UNC5D: variants seen among roughly 807,000 people sequenced by gnomAD.
UNC5D encodes unc-5 netrin receptor D, also known as netrin receptor UNC5D.
Under a neutral mutation model 105.4 loss-of-function variants are expected in UNC5D, and 39 were observed. That is an observed-to-expected ratio of 0.37 (90% CI 0.29 to 0.48). The LOEUF is 0.48. Ranked by LOEUF, UNC5D falls within the 20% of genes least tolerant of loss-of-function variation. UNC5D has a pLI of 0.98. For missense variants in UNC5D, 991 were observed against 1,202.4 expected (o/e 0.82, Z 2.60); for synonymous variants, 452 against 450.4 (o/e 1.00, Z -0.04).
intron 1 of UNC5D, among the ~76,000 whole-genome samples, chr8:35,350,138 A>G (rs1812110567): frequency 2.0e-5 from 3 of 152,052 alleles, no homozygotes; most frequent in Admixed American, 2.0e-4. Context: ...TGTTTTGAGA[A>G]TAATTGCCTT....
chr8:35,677,877 GGTGTGTGAGTGTCTGTGT>G (rs1181367275), intron 4 of UNC5D, among the ~76,000 whole-genome samples: 1 of 136,060 alleles, frequency 7.3e-6, no homozygotes, highest in Non-Finnish European at 1.7e-5. Context: ...GTTTTTATAG[GGTGTGTGAGTGTCTGTGT>G]GTGTGTGTGT....
At chr8:35,541,226 A>C (rs1487500718) in intron 1 of UNC5D, among the ~76,000 whole-genome samples, 2 of 152,192 alleles carry the variant, frequency 1.3e-5, no homozygotes, top group Admixed American at 6.5e-5. Flanking sequence ...AGAAAACGGA[A>C]GTGAAGTTCA....
At chr8:35,790,236 C>A in intron 16 of UNC5D, 123 bp from the exon 17 acceptor site, 1 of 1,067,248 alleles carries the variant, frequency 9.4e-7, no homozygotes, top group Non-Finnish European at 1.4e-6. Flanking sequence ...CTTACTATAG[C>A]TTTTTATCCC....
chr8:35,334,899 T>C (rs1810906759), intron 1 of UNC5D, among the ~76,000 whole-genome samples: 1 of 152,164 alleles, frequency 6.6e-6, no homozygotes, highest in South Asian at 2.1e-4. Context: ...ATTAAGATAA[T>C]GAACATACGC....
intron 1 of UNC5D, among the ~76,000 whole-genome samples, chr8:35,304,197 A>G: frequency 6.6e-6 from 1 of 152,054 alleles, no homozygotes; most frequent in Non-Finnish European, 1.5e-5. Context: ...AACCCCACAA[A>G]CACACTGGTT....
intron 1 of UNC5D, among the ~76,000 whole-genome samples, chr8:35,433,202 T>C (rs531256600): frequency 6.6e-6 from 1 of 152,292 alleles, no homozygotes; most frequent in South Asian, 2.1e-4. Flanking sequence ...AATCAAATTG[T>C]AGTTGGATGA....
At chr8:35,343,574 G>A (rs1811606027) in intron 1 of UNC5D, among the ~76,000 whole-genome samples, 4 of 151,992 alleles carry the variant, frequency 2.6e-5, no homozygotes, top group African/African-American at 9.7e-5. Context: ...ATTTATCTGG[G>A]AAATGTTTCC....
chr8:35,617,439 T>C (rs193298857), intron 4 of UNC5D, among the ~76,000 whole-genome samples: 1 of 152,316 alleles, frequency 6.6e-6, no homozygotes, highest in East Asian at 1.9e-4. Flanking sequence ...CTTACTGCAG[T>C]TGAGCTTCAG....
chr8:35,307,714 C>T (rs1808528779), intron 1 of UNC5D, among the ~76,000 whole-genome samples: 1 of 152,078 alleles, frequency 6.6e-6, no homozygotes, highest in Admixed American at 6.6e-5. Context: ...CCTCGCATTT[C>T]CACTAGTGCA....
At chr8:35,787,083 C>A (rs1023468612) in intron 16 of UNC5D, among the ~76,000 whole-genome samples, 5 of 152,122 alleles carry the variant, frequency 3.3e-5, no homozygotes, top group African/African-American at 1.2e-4. Flanking sequence ...AGTAGAGTAG[C>A]AGCAACACGG....
chr8:35,631,698 A>G (rs1436826956), intron 4 of UNC5D, among the ~76,000 whole-genome samples: 2 of 152,138 alleles, frequency 1.3e-5, no homozygotes, highest in Non-Finnish European at 2.9e-5. Flanking sequence ...TCTGCAATAC[A>G]TTTTGCTCCC....
rs372242646 is a variant in UNC5D at position 35,265,825 on chromosome 8, G to A, written c.103+29938G>A. On this transcript the variant is annotated intron_variant, in intron 1 of 16. Transcript: ENST00000404895. The stretch of plus-strand genomic sequence containing the variant: ...GCAGAGCTTGCAGTGAGCCAAGATC[G>A]CGCCACTGCATTCCAGCCTGAGCGA... 8.3e-3 allele frequency among the ~76,000 whole-genome samples: 1,259 copies of A among 151,474 alleles called. 10 individuals are homozygous for A. The highest frequency in any genetic ancestry group is 0.046 in the South Asian group (220 of 4,788).
intron 1 of UNC5D, among the ~76,000 whole-genome samples, chr8:35,503,484 C>T (rs1812100801): frequency 6.6e-6 from 1 of 152,140 alleles, no homozygotes. Flanking sequence ...GTCCCTCCCA[C>T]AGCATGTGGG....
At position 35,235,663 on chromosome 8, in the gene UNC5D, G is replaced by A; in HGVS notation, c.-122G>A. On this transcript the variant is annotated 5_prime_UTR_variant, in exon 1 of 17. It adds an upstream start codon to the 5' untranslated region. Transcript: ENST00000404895. ...TGCCCCGCTGCTTTAGGAAGCGATC[G>A]TGGAGCAGAGTCACTCTCTGAAGAC... The A allele has an allele frequency of 1.4e-6, 1 of 725,648 alleles. No individual in the cohort carries two copies. Among genetic ancestry groups the A allele is most frequent in the Non-Finnish European group, 1.9e-6 (1 of 528,088 alleles). 45.0% of individuals were successfully genotyped at this position (725,648 alleles called of 1,614,324 possible). A position where few individuals can be genotyped will look rare whatever the true frequency, so the allele number is the denominator to read the frequency against.
At chr8:35,557,801 T>C (rs1053129545) in intron 2 of UNC5D, among the ~76,000 whole-genome samples, 1 of 151,964 alleles carries the variant, frequency 6.6e-6, no homozygotes, top group Non-Finnish European at 1.5e-5. Context: ...GTCATGGCTG[T>C]TGTCACATTG....
chr8:35,622,930 G>A (rs1294747771), intron 4 of UNC5D, among the ~76,000 whole-genome samples: 2 of 152,124 alleles, frequency 1.3e-5, no homozygotes, highest in African/African-American at 2.4e-5. Flanking sequence ...TCAGTTTTAG[G>A]AGTGTAGCTA....
In UNC5D at chr8:35,750,814, G is replaced by A; in HGVS notation, c.2163+5G>A. 1 of 1,613,600 alleles carries A rather than the reference G, an allele frequency of 6.2e-7. No homozygotes were observed. The highest frequency in any genetic ancestry group is 8.5e-7 in the Non-Finnish European group (1 of 1,179,566). On this transcript the variant is annotated splice_donor_5th_base_variant and intron_variant, in intron 13 of 16. Coordinates refer to ENST00000404895, the MANE Select transcript of UNC5D (RefSeq NM_080872.4). Reference sequence around the variant, plus strand: ...AATACCCCTTGTGCATTTCAGGTTAGCCTTTGTTTTAATAATTTTCTTTTG... The same window carrying A: ...AATACCCCTTGTGCATTTCAGGTTAACCTTTGTTTTAATAATTTTCTTTTG...
chr8:35,789,946 G>A (rs1216290821), intron 16 of UNC5D, among the ~76,000 whole-genome samples: 5 of 149,632 alleles, frequency 3.3e-5, no homozygotes, highest in Admixed American at 2.0e-4. Flanking sequence ...TTCAAGGAAA[G>A]TGAGGACCCA....
chr8:35,669,279 C>A (rs1025292621), intron 4 of UNC5D, among the ~76,000 whole-genome samples: 3 of 151,960 alleles, frequency 2.0e-5, no homozygotes, highest in Admixed American at 2.0e-4. Flanking sequence ...TTAGTTTGAT[C>A]TTTCTTGTTC....
Sources: allele counts gnomAD v4.1 joint callset (sites outside exome capture counted in the v4.1 genomes callset), GRCh38; gene constraint gnomAD v4.1.1; transcripts MANE v1.5; gene names NCBI Gene and HGNC (gene_info 2026-07-23, HGNC 2026-07-21).